Variants in ERC2 observed in about 807,000 individuals in gnomAD.
ERC2 encodes the protein ERC protein 2.
ERC2 carries 42 observed loss-of-function variants against 114.8 expected under a neutral mutation model. The ratio of observed to expected loss-of-function variants is 0.37; its 90% CI spans 0.29 to 0.47. The LOEUF is 0.47. ERC2 is among the 20% of genes least tolerant of loss of function. ERC2 has a pLI of 0.99. For synonymous variants in ERC2, 454 were observed against 425.5 expected (o/e 1.07, Z -0.82); for missense variants, 939 against 1,150.7 (o/e 0.82, Z 2.66).
intron 13 of ERC2, among the ~76,000 whole-genome samples, chr3:55,928,019 T>G (rs1275114092): frequency 1.3e-5 from 2 of 152,232 alleles, no homozygotes; most frequent in Non-Finnish European, 2.9e-5. Flanking sequence ...TGATAGACAC[T>G]TAGGTTCCTT....
chr3:55,776,095 C>T (rs62249345), intron 14 of ERC2, among the ~76,000 whole-genome samples: 103 of 142,658 alleles, frequency 7.2e-4, no homozygotes, highest in Non-Finnish European at 1.3e-3. Context: ...TATCAAAACA[C>T]CAACACATAC....
At chr3:55,712,384 G>C (rs762134934) in intron 15 of ERC2, among the ~76,000 whole-genome samples, 23 of 152,176 alleles carry the variant, frequency 1.5e-4, no homozygotes, top group Non-Finnish European at 3.1e-4. Context: ...AAGAGAAAAG[G>C]GGGGAAAGTG....
chr3:55,652,317 T>C (rs2060659901), intron 17 of ERC2, among the ~76,000 whole-genome samples: 2 of 152,246 alleles, frequency 1.3e-5, no homozygotes, highest in African/African-American at 2.4e-5. Context: ...AGTTGACTAT[T>C]GACTTTTGAC....
chr3:56,025,038 T>C (rs2073957730), intron 7 of ERC2, among the ~76,000 whole-genome samples: 1 of 152,172 alleles, frequency 6.6e-6, no homozygotes, highest in African/African-American at 2.4e-5. Flanking sequence ...TGCACACTGA[T>C]CAAGTGCACA....
At chr3:56,077,564 T>C (rs974818979) in intron 7 of ERC2, among the ~76,000 whole-genome samples, 4 of 152,224 alleles carry the variant, frequency 2.6e-5, no homozygotes, top group African/African-American at 7.2e-5. Flanking sequence ...TTGTCACTTA[T>C]GCATTGGAAG....
chr3:55,754,499 G>A (rs532203056), intron 14 of ERC2, among the ~76,000 whole-genome samples: 1 of 94,344 alleles, frequency 1.1e-5, no homozygotes, highest in Non-Finnish European at 2.6e-5. Context: ...GAGCCAAAAA[G>A]CTTTCTGCAA....
intron 2 of ERC2, among the ~76,000 whole-genome samples, chr3:56,371,670 T>A (rs73073904): frequency 0.031 from 4,793 of 152,250 alleles, 151 homozygotes; most frequent in African/African-American, 0.075. Flanking sequence ...CATTCTCACC[T>A]CTCTACCCCA....
chr3:55,677,671 C>T (rs1256005294), intron 17 of ERC2, among the ~76,000 whole-genome samples: 1 of 152,128 alleles, frequency 6.6e-6, no homozygotes, highest in Non-Finnish European at 1.5e-5. Flanking sequence ...CTATCTGAAT[C>T]CAGAGACCAC....
At chr3:56,318,835 T>C (rs747741602) in intron 2 of ERC2, among the ~76,000 whole-genome samples, 9 of 151,262 alleles carry the variant, frequency 5.9e-5, no homozygotes, top group Non-Finnish European at 1.2e-4. Context: ...GCCTATATCA[T>C]GCCTATAATC....
rs138368511 is a variant in ERC2 at position 55,754,888 on chromosome 3, T to C, written c.2565-19970A>G. Among the ~76,000 whole-genome samples the C allele has an allele frequency of 4.9e-3, 746 of 152,234 alleles. 5 individuals carry two copies. The highest frequency in any genetic ancestry group is 0.017 in the African/African-American group (695 of 41,552). On this transcript the variant is annotated intron_variant, in intron 14 of 17. Coordinates refer to ENST00000288221, the MANE Select transcript of ERC2 (RefSeq NM_015576.3). ...CTATAACCCATAAGCTGTACTAATATAGCAAAATAACTGTATTGTATTCTT... is the reference window on the plus strand; with the variant it reads ...CTATAACCCATAAGCTGTACTAATACAGCAAAATAACTGTATTGTATTCTT...
intron 15 of ERC2, among the ~76,000 whole-genome samples, chr3:55,702,419 T>C (rs191120386): frequency 1.2e-3 from 178 of 152,358 alleles, no homozygotes; most frequent in Non-Finnish European, 2.0e-3. Flanking sequence ...ATCTTGCTTG[T>C]AACATATCCC....
intron 14 of ERC2, among the ~76,000 whole-genome samples, chr3:55,832,992 G>A (rs1375515207): frequency 1.3e-5 from 2 of 151,672 alleles, no homozygotes; most frequent in South Asian, 2.1e-4. Flanking sequence ...GCGATCAACT[G>A]GAAGAAAGGG....
intron 13 of ERC2, among the ~76,000 whole-genome samples, chr3:55,941,535 C>T (rs919232947): frequency 5.9e-5 from 9 of 152,194 alleles, no homozygotes; most frequent in African/African-American, 1.9e-4. Context: ...AATCCCACTT[C>T]CCTCCCTTTC....
At chr3:55,570,200 G>A (rs1338190020) in intron 17 of ERC2, among the ~76,000 whole-genome samples, 5 of 151,946 alleles carry the variant, frequency 3.3e-5, no homozygotes, top group East Asian at 1.9e-4. Flanking sequence ...ATTTCTCCCA[G>A]GAGCCAATGG....
At position 55,733,468 on chromosome 3, in the gene ERC2, A is replaced by T. The variant is rs71617287; in HGVS notation, c.2712+1303T>A. Among the ~76,000 whole-genome samples the T allele has an allele frequency of 3.1e-3, 132 of 42,852 alleles. 3 individuals are homozygous for T. Among genetic ancestry groups the T allele is most frequent in the Admixed American group, 3.0e-3 (15 of 4,928 alleles). The allele number at this position is 42,852 out of a possible 152,430, so 28.1% of individuals were successfully genotyped here. ...GTCTCTCATTCTCTCTCTCTCTCAC[A>T]CACACACACACACACACATTCTCTG... On this transcript the variant is annotated intron_variant, in intron 15 of 17. Coordinates refer to ENST00000288221, the MANE Select transcript of ERC2 (RefSeq NM_015576.3).
At chr3:55,691,932 G>A (rs777401619) in intron 16 of ERC2, among the ~76,000 whole-genome samples, 14 of 152,092 alleles carry the variant, frequency 9.2e-5, no homozygotes, top group Non-Finnish European at 1.3e-4. Context: ...TGGAAAAGTC[G>A]TCAGTTCATC....
intron 13 of ERC2, among the ~76,000 whole-genome samples, chr3:55,890,886 T>C (rs907782243): frequency 6.6e-6 from 1 of 152,226 alleles, no homozygotes; most frequent in Non-Finnish European, 1.5e-5. Context: ...CTTCTAGTTT[T>C]AGCATGACCA....
At chr3:55,712,071 A>G (rs1343284186) in intron 15 of ERC2, among the ~76,000 whole-genome samples, 1 of 152,222 alleles carries the variant, frequency 6.6e-6, no homozygotes, top group African/African-American at 2.4e-5. Context: ...TTTGAAGCTG[A>G]GCATAATTTC....
intron 7 of ERC2, among the ~76,000 whole-genome samples, chr3:56,058,953 A>G (rs2076127821): frequency 2.0e-5 from 3 of 152,130 alleles, no homozygotes; most frequent in African/African-American, 7.2e-5. Flanking sequence ...TACCACAGAA[A>G]CTTTGGTCCA....
Sources: allele counts gnomAD v4.1 joint callset (sites outside exome capture counted in the v4.1 genomes callset), GRCh38; gene constraint gnomAD v4.1.1; transcripts MANE v1.5; gene names NCBI Gene and HGNC (gene_info 2026-07-23, HGNC 2026-07-21).